Variants in CEACAM20 observed in about 807,000 individuals in gnomAD.
The protein encoded by CEACAM20 is CEA cell adhesion molecule 20, also known as cell adhesion molecule CEACAM20.
CEACAM20 carries 50 observed loss-of-function variants against 61.2 expected under a neutral mutation model. The ratio of observed to expected loss-of-function variants is 0.82; its 90% CI spans 0.65 to 1.03. The LOEUF is 1.03. Among genes scored for constraint, CEACAM20 ranks in the 50% least tolerant of loss-of-function variants. The pLI, the probability that CEACAM20 is intolerant of heterozygous loss-of-function variation, is 0.00. For missense variants in CEACAM20, 683 were observed against 736.4 expected, an observed-to-expected ratio of 0.93 and a Z score of 0.84; for synonymous variants, 282 against 287.7, an observed-to-expected ratio of 0.98 and a Z score of 0.20.
At chr19:44,527,947 C>A (rs1251619225) in intron 1 of CEACAM20, among the ~76,000 whole-genome samples, 1 of 152,140 alleles carries the variant, frequency 6.6e-6, no homozygotes, top group South Asian at 2.1e-4. Context: ...GTGGACCTGG[C>A]CGCTCAGGGC....
intron 7 of CEACAM20, 65 bp downstream of exon 7, chr19:44,513,107 C>A (rs1568448290): frequency 7.2e-7 from 1 of 1,396,382 alleles, no homozygotes; most frequent in Non-Finnish European, 9.9e-7. Flanking sequence ...CAGCAACACG[C>A]CCGGCAAGCG....
Position 44,520,527 on chromosome 19 carries a change from A to T in CEACAM20, c.977T>A (p.Val326Asp). 2 of 1,613,932 alleles carry T rather than the reference A, an allele frequency of 1.2e-6. No homozygotes were observed. The highest frequency in any genetic ancestry group is 1.7e-6 in the Non-Finnish European group (2 of 1,179,890). Reference sequence around the variant, plus strand: ...CCGGGCCCGGCTGCCCCAGTTCCAGACCTCACAGGCATAGGGCCCGGTGTC... The same window carrying T: ...CCGGGCCCGGCTGCCCCAGTTCCAGTCCTCACAGGCATAGGGCCCGGTGTC... ...RNDTGPYACE[V>D]WNWGSRARSE... The change falls in exon 5 of 12, where the codon GTC (valine) becomes GAC (aspartate). Residue 326 changes from valine (V) to aspartate (D), a missense_variant. Physicochemically the swap from Val to Asp is radical, Grantham distance 152 (BLOSUM62 -3). Coordinates refer to ENST00000614924, the MANE Select transcript of CEACAM20 (RefSeq NM_001102597.3).
intron 4 of CEACAM20, among the ~76,000 whole-genome samples, 169 bp from the exon 5 acceptor site, chr19:44,520,921 G>A (rs540440737): frequency 6.6e-6 from 1 of 152,148 alleles, no homozygotes; most frequent in South Asian, 2.1e-4. Flanking sequence ...GTACGTGTAT[G>A]TCTTTTGTGG....
At chr19:44,513,038 G>T in intron 7 of CEACAM20, 85 bp from the exon 8 acceptor site, 2 of 1,339,694 alleles carry the variant, frequency 1.5e-6, no homozygotes, top group Non-Finnish European at 1.0e-6. Flanking sequence ...GTCCATTCTT[G>T]AACAATGCCC....
chr19:44,526,702 G>A (rs1053159184), intron 1 of CEACAM20, among the ~76,000 whole-genome samples: 2 of 151,728 alleles, frequency 1.3e-5, no homozygotes, highest in South Asian at 4.2e-4. Flanking sequence ...GTGAAACCCC[G>A]TCTCTACAAA....
At chr19:44,508,929 A>G (rs1291628089) in intron 11 of CEACAM20, among the ~76,000 whole-genome samples, 2 of 152,224 alleles carry the variant, frequency 1.3e-5, no homozygotes, top group Non-Finnish European at 2.9e-5. Flanking sequence ...CAAATCTTCC[A>G]TGGGAAAAAC....
chr19:44,515,396 TTAA>T (rs576570977), intron 6 of CEACAM20, among the ~76,000 whole-genome samples: 53 of 152,164 alleles, frequency 3.5e-4, no homozygotes, highest in Non-Finnish European at 6.5e-4. Flanking sequence ...TCAAATGGTC[TTAA>T]TAAGACCACA....
chr19:44,511,798 C>A, intron 9 of CEACAM20, 126 bp from the exon 10 acceptor site: 1 of 1,042,956 alleles, frequency 9.6e-7, no homozygotes, highest in Non-Finnish European at 1.4e-6. Flanking sequence ...GGGCTCAAAG[C>A]TAGGAATTGT....
intron 1 of CEACAM20, among the ~76,000 whole-genome samples, chr19:44,526,192 G>A (rs1339377532): frequency 6.6e-6 from 1 of 152,206 alleles, no homozygotes; most frequent in African/African-American, 2.4e-5. Context: ...TGCATGGGGA[G>A]GAAAGGAGAA....
intron 4 of CEACAM20, among the ~76,000 whole-genome samples, chr19:44,521,048 AT>A (rs1029468645): frequency 6.6e-6 from 1 of 152,038 alleles, no homozygotes; most frequent in African/African-American, 2.4e-5. Flanking sequence ...TGTGTTGAAT[AT>A]GAAGTATGTG....
chr19:44,529,624 C>A lies in CEACAM20; in HGVS notation c.-115G>T, dbSNP rs898970211. On this transcript the variant is annotated 5_prime_UTR_variant, in exon 1 of 12. Coordinates refer to ENST00000614924, the MANE Select transcript of CEACAM20 (RefSeq NM_001102597.3). ...CCACCTCCCTTCTCTCCTCTCCCAC[C>A]CTGCTACAAACTCACACACACACTG... is the stretch of plus-strand genomic sequence containing the variant. The A allele has an allele frequency of 2.5e-6, 2 of 798,794 alleles. No homozygotes were observed. The allele number at this position is 798,794 out of a possible 1,614,324, so 49.5% of individuals were successfully genotyped here.
chr19:44,511,698 G>A (rs371292930), intron 9 of CEACAM20, 26 bp from the exon 10 acceptor site: 2 of 1,610,486 alleles, frequency 1.2e-6, no homozygotes, highest in Non-Finnish European at 1.7e-6. Context: ...GTTGCAGAGA[G>A]GTCATAGGGC....
intron 11 of CEACAM20, among the ~76,000 whole-genome samples, chr19:44,506,778 G>T (rs1349540446): frequency 6.6e-6 from 1 of 152,228 alleles, no homozygotes; most frequent in African/African-American, 2.4e-5. Context: ...CTGAGCCTCA[G>T]ATGAGACCTG....
chr19:44,513,519 C>A (rs138577540), intron 6 of CEACAM20, among the ~76,000 whole-genome samples: 49 of 147,420 alleles, frequency 3.3e-4, no homozygotes, highest in African/African-American at 1.1e-3. Flanking sequence ...CCTCAGCTCA[C>A]TGCAACCTCC....
intron 5 of CEACAM20, among the ~76,000 whole-genome samples, chr19:44,517,557 C>T (rs1041955624): frequency 2.6e-5 from 4 of 151,844 alleles, no homozygotes; most frequent in Non-Finnish European, 4.4e-5. Context: ...ATTAGCCGGG[C>T]GTAGTGGCAC....
chr19:44,528,242 T>G (rs1343674945), intron 1 of CEACAM20, among the ~76,000 whole-genome samples: 2 of 151,758 alleles, frequency 1.3e-5, no homozygotes, highest in Non-Finnish European at 2.9e-5. Context: ...TTCTTTTTCT[T>G]TTTTTTGACA....
chr19:44,517,284 C>T (rs1971194522), intron 5 of CEACAM20, 60 bp from the exon 6 acceptor site: 17 of 1,568,726 alleles, frequency 1.1e-5, no homozygotes, highest in Non-Finnish European at 1.5e-5. Flanking sequence ...TCCCATTCTG[C>T]CCCATTCACT....
chr19:44,515,831 G>A (rs1971138908), intron 6 of CEACAM20, among the ~76,000 whole-genome samples: 1 of 152,142 alleles, frequency 6.6e-6, no homozygotes, highest in Admixed American at 6.5e-5. Flanking sequence ...CTAGCTAGCT[G>A]TGGTGGTGCA....
intron 6 of CEACAM20, among the ~76,000 whole-genome samples, chr19:44,514,889 C>G (rs1282697900): frequency 6.6e-6 from 1 of 152,110 alleles, no homozygotes; most frequent in Non-Finnish European, 1.5e-5. Context: ...GATCTTGGCT[C>G]ACTGCAACCT....
Sources: gnomAD v4.1 joint callset for allele counts (sites outside exome capture counted in the v4.1 genomes callset) on GRCh38, gnomAD v4.1.1 for gene constraint, MANE v1.5 for transcripts, NCBI Gene and HGNC (gene_info 2026-07-23, HGNC 2026-07-21) for gene names.